The following FMNL2 variants were observed in gnomAD, a reference collection of about 807,000 sequenced individuals.
FMNL2 encodes formin like 2.
FMNL2 carries 51 observed loss-of-function variants against 130.2 expected under a neutral mutation model. The ratio of observed to expected loss-of-function variants is 0.39; its 90% CI spans 0.31 to 0.49. FMNL2 has a LOEUF of 0.49. FMNL2 is among the 20% of genes least tolerant of loss of function. The pLI, the probability that FMNL2 is intolerant of heterozygous loss-of-function variation, is 0.85. For missense variants in FMNL2, 977 were observed against 1,316.2 expected (o/e 0.74, Z 3.99); for synonymous variants, 465 against 467.1 (o/e 1.00, Z 0.06).
chr2:152,454,768 G>A (rs764065115), intron 1 of FMNL2, among the ~76,000 whole-genome samples: 1 of 152,202 alleles, frequency 6.6e-6, no homozygotes, highest in Non-Finnish European at 1.5e-5. Context: ...CAAGAGGAAG[G>A]GATTGAGAGT....
intron 1 of FMNL2, among the ~76,000 whole-genome samples, chr2:152,479,718 GTTTTT>G (rs749726414): frequency 0.045 from 4,403 of 96,824 alleles, 198 homozygotes; most frequent in African/African-American, 0.15. Context: ...GTTGTGGGTT[GTTTTT>G]TTTTTTTTTT....
intron 1 of FMNL2, among the ~76,000 whole-genome samples, chr2:152,501,487 A>C (rs1329708821): frequency 6.6e-6 from 1 of 152,188 alleles, no homozygotes; most frequent in Non-Finnish European, 1.5e-5. Context: ...GGCTCTATTC[A>C]ATTGTTAAGT....
In FMNL2 at chr2:152,535,089, C is replaced by T. The variant is rs562235521; in HGVS notation, c.202-7650C>T. On this transcript the variant is annotated intron_variant, in intron 2 of 25. Transcript: ENST00000288670. ...ACACAGTATTAATCATGCACGTTTT[C>T]ACTATTCAAGACTCCTTGTTGTCTG... Among the ~76,000 whole-genome samples, 3 of 152,320 alleles carry T rather than the reference C, an allele frequency of 2.0e-5. No homozygotes were observed. In the East Asian group the frequency reaches 5.8e-4, roughly 29 times the overall value.
intron 1 of FMNL2, among the ~76,000 whole-genome samples, chr2:152,473,802 T>G (rs1689984313): frequency 6.6e-6 from 1 of 152,218 alleles, no homozygotes; most frequent in Non-Finnish European, 1.5e-5. Flanking sequence ...ATGAATATCT[T>G]GGACCATGGA....
At chr2:152,630,501 G>A (rs1403523535) in intron 20 of FMNL2, among the ~76,000 whole-genome samples, 2 of 152,126 alleles carry the variant, frequency 1.3e-5, no homozygotes, top group Non-Finnish European at 2.9e-5. Flanking sequence ...AATTTTCAGA[G>A]TCACCTAACT....
chr2:152,611,652 T>C, intron 11 of FMNL2, 47 bp downstream of exon 11: 1 of 1,237,480 alleles, frequency 8.1e-7, no homozygotes, highest in South Asian at 1.3e-5. Flanking sequence ...ATTGACTTAT[T>C]ATTGCCTGCC....
rs577799870 is a variant in FMNL2, at chr2:152,578,587, A to ATT, written c.706-283_706-282dup. 2.4e-3 allele frequency: 345 copies of ATT among 141,858 alleles called. 1 individual carries two copies. The highest frequency in any genetic ancestry group is 8.9e-3 in the African/African-American group (319 of 35,700). The allele number at this position is 141,858 out of a possible 1,614,324, so 8.8% of individuals were successfully genotyped here. On this transcript the variant is annotated intron_variant, in intron 7 of 25. Coordinates refer to ENST00000288670, the MANE Select transcript of FMNL2 (RefSeq NM_052905.4). ...TCTTTTGATAATAGCATCATTGCCG[A>ATT]TTTTTTTTTTTTTTTTTTTGAGAGA...
chr2:152,438,810 T>C (rs1429672809), intron 1 of FMNL2, among the ~76,000 whole-genome samples: 1 of 152,146 alleles, frequency 6.6e-6, no homozygotes, highest in African/African-American at 2.4e-5. Flanking sequence ...TTTAATCACT[T>C]GTAAAGCTCT....
At chr2:152,505,472 C>A (rs1692113548) in intron 1 of FMNL2, among the ~76,000 whole-genome samples, 1 of 152,050 alleles carries the variant, frequency 6.6e-6, no homozygotes, top group South Asian at 2.1e-4. Flanking sequence ...AATTGCTTTT[C>A]TTGTAATATT....
intron 1 of FMNL2, among the ~76,000 whole-genome samples, chr2:152,421,589 C>T (rs1480323427): frequency 6.6e-6 from 1 of 152,176 alleles, no homozygotes; most frequent in Non-Finnish European, 1.5e-5. Context: ...CAAAATCCTC[C>T]TCATGTGGCT....
At position 152,364,259 on chromosome 2, in the gene FMNL2, GTGTTTTTTTTTTT is replaced by G. The variant is rs1225365902; in HGVS notation, c.117+28541_117+28553del. On this transcript the variant is annotated intron_variant, in intron 1 of 25. Transcript: ENST00000288670. ...GTTTCACATCCGTTAGGAGGTTTGT[GTGTTTTTTTTTTT>G]TTTTTTTTTTTTTTTTTTTTACCAG... Among the ~76,000 whole-genome samples, 14 of 100,764 alleles carry G rather than the reference GTGTTTTTTTTTTT, an allele frequency of 1.4e-4. 2 individuals carry two copies. The East Asian group carries it at 2.7e-3, about 20-fold the overall frequency. The allele number at this position is 100,764 out of a possible 152,430, so 66.1% of individuals were successfully genotyped here.
chr2:152,499,246 AGCTGTTGAG>A (rs1253003575), intron 1 of FMNL2, among the ~76,000 whole-genome samples: 4 of 152,226 alleles, frequency 2.6e-5, no homozygotes, highest in Admixed American at 6.5e-5. Context: ...ACAGCTAAAA[AGCTGTTGAG>A]GCTTCAGAAA....
chr2:152,383,620 G>A (rs1684619958), intron 1 of FMNL2, among the ~76,000 whole-genome samples: 1 of 151,928 alleles, frequency 6.6e-6, no homozygotes, highest in East Asian at 1.9e-4. Context: ...ATTAATAATG[G>A]CATAATTATA....
chr2:152,405,012 C>T (rs962879656), intron 1 of FMNL2, among the ~76,000 whole-genome samples: 26 of 152,146 alleles, frequency 1.7e-4, no homozygotes, highest in African/African-American at 5.5e-4. Context: ...TTCCTGTCTC[C>T]GGAAAGAATG....
Position 152,335,572 on chromosome 2 carries a change from G to C in FMNL2, c.-32G>C. The C allele has an allele frequency of 1.9e-6, 3 of 1,553,948 alleles. No individual in the cohort carries two copies. The highest frequency in any genetic ancestry group is 2.6e-6 in the Non-Finnish European group (3 of 1,145,894). On this transcript the variant is annotated 5_prime_UTR_variant, in exon 1 of 26. Coordinates refer to ENST00000288670, the MANE Select transcript of FMNL2 (RefSeq NM_052905.4). ...TTTCCGACGCGCACGCTAGGGGCCC[G>C]GAGCAGCCCCCGGCCCCGGCGCGCC... is the stretch of plus-strand genomic sequence containing the variant.
intron 1 of FMNL2, among the ~76,000 whole-genome samples, chr2:152,464,514 G>T (rs982522883): frequency 7.9e-5 from 12 of 152,164 alleles, no homozygotes; most frequent in Non-Finnish European, 1.6e-4. Context: ...GAAATTGTTT[G>T]GGGGAGAAGG....
At chr2:152,521,806 G>A in intron 1 of FMNL2, 137 bp from the exon 2 acceptor site, 1 of 689,788 alleles carries the variant, frequency 1.4e-6, no homozygotes, top group South Asian at 1.8e-5. Context: ...TGGGTGTTTT[G>A]GTTTAATCAG....
At chr2:152,566,293 T>C (rs1483695052) in intron 6 of FMNL2, among the ~76,000 whole-genome samples, 1 of 152,154 alleles carries the variant, frequency 6.6e-6, no homozygotes, top group Non-Finnish European at 1.5e-5. Flanking sequence ...ACAGATAGCG[T>C]TGATGTAATT....
At chr2:152,344,143 C>T (rs551104849) in intron 1 of FMNL2, among the ~76,000 whole-genome samples, 2 of 152,188 alleles carry the variant, frequency 1.3e-5, no homozygotes, top group South Asian at 4.2e-4. Flanking sequence ...CAGAGCAAGA[C>T]TATCTCTAAA....
Sources: gnomAD v4.1 joint callset for allele counts (sites outside exome capture counted in the v4.1 genomes callset) on GRCh38, gnomAD v4.1.1 for gene constraint, MANE v1.5 for transcripts, NCBI Gene and HGNC (gene_info 2026-07-23, HGNC 2026-07-21) for gene names.